Variants in CLASP1 observed in about 807,000 individuals in gnomAD.
The protein encoded by CLASP1 is cytoplasmic linker associated protein 1, also known as CLIP-associating protein 1.
Under a neutral mutation model 192.3 loss-of-function variants are expected in CLASP1, and 38 were observed. The observed-to-expected ratio is 0.20, with a 90% CI of 0.15 to 0.26. CLASP1 has a LOEUF of 0.26. Among genes scored for constraint, CLASP1 ranks in the 10% least tolerant of loss-of-function variants. The pLI, the probability that CLASP1 is intolerant of heterozygous loss-of-function variation, is 1.00. For synonymous variants in CLASP1, 691 were observed against 712.8 expected, an observed-to-expected ratio of 0.97 and a Z score of 0.49; for missense variants, 1,433 against 1,932.5, an observed-to-expected ratio of 0.74 and a Z score of 4.85.
chr2:121,559,093 T>C (rs993092318), intron 2 of CLASP1, among the ~76,000 whole-genome samples: 1 of 152,134 alleles, frequency 6.6e-6, no homozygotes, highest in Non-Finnish European at 1.5e-5. Context: ...AAAGAAGGTG[T>C]GGACCACACC....
chr2:121,435,083 G>A (rs1331584611), intron 19 of CLASP1, among the ~76,000 whole-genome samples: 2 of 152,118 alleles, frequency 1.3e-5, no homozygotes, highest in Non-Finnish European at 2.9e-5. Flanking sequence ...CACTTTGGGA[G>A]GCCTAGGCAG....
Position 121,447,330 on chromosome 2 carries a change from T to C in CLASP1, c.1912+7A>G. On this transcript the variant is annotated splice_region_variant and intron_variant, in intron 19 of 39. Transcript: ENST00000263710. ...CAGGAGGGAAAGGGTGACAGGGGTG[T>C]GGTTACCTAAGGATGCGTATGACCC... The C allele has an allele frequency of 6.3e-7, 1 of 1,587,928 alleles. No individual in the cohort carries two copies. The highest frequency in any genetic ancestry group is 8.6e-7 in the Non-Finnish European group (1 of 1,167,510).
intron 2 of CLASP1, among the ~76,000 whole-genome samples, chr2:121,544,907 C>CTTTTTTTTTTTTT (rs3078562): frequency 4.1e-5 from 5 of 122,880 alleles, no homozygotes; most frequent in South Asian, 2.5e-4. Context: ...CTTTTCTTTT[C>CTTTTTTTTTTTTT]TTTTTTTTTT....
At chr2:121,576,672 A>C (rs1044141296) in intron 2 of CLASP1, among the ~76,000 whole-genome samples, 2 of 152,234 alleles carry the variant, frequency 1.3e-5, no homozygotes, top group Non-Finnish European at 2.9e-5. Flanking sequence ...GAAATGGAAC[A>C]CCAAGTATGT....
intron 15 of CLASP1, 26 bp downstream of exon 15, chr2:121,451,764 A>G (rs1340552824): frequency 6.4e-7 from 1 of 1,556,466 alleles, no homozygotes; most frequent in East Asian, 2.4e-5. Flanking sequence ...TTCAGAGGGA[A>G]AAATGGTTTC....
intron 8 of CLASP1, among the ~76,000 whole-genome samples, chr2:121,471,075 G>C (rs1405903856): frequency 6.6e-6 from 1 of 151,502 alleles, no homozygotes; most frequent in Non-Finnish European, 1.5e-5. Context: ...TTGAGGCCAG[G>C]AGTTCAAGAC....
chr2:121,593,209 G>C (rs532230721), intron 2 of CLASP1, among the ~76,000 whole-genome samples: 7 of 152,266 alleles, frequency 4.6e-5, no homozygotes, highest in South Asian at 2.1e-4. Flanking sequence ...AATCTAACCA[G>C]GAAGAAGCAT....
intron 21 of CLASP1, among the ~76,000 whole-genome samples, chr2:121,426,699 G>A (rs1287012974): frequency 6.6e-6 from 1 of 152,178 alleles, no homozygotes; most frequent in African/African-American, 2.4e-5. Flanking sequence ...CATTCTCTGA[G>A]AAGTATGCAA....
chr2:121,500,002 A>G (rs1323206373), intron 8 of CLASP1, among the ~76,000 whole-genome samples: 1 of 152,172 alleles, frequency 6.6e-6, no homozygotes, highest in Non-Finnish European at 1.5e-5. Flanking sequence ...TAAGGCAAGA[A>G]AAAGAAATTA....
chr2:121,476,289 A>C (rs1442050353), intron 8 of CLASP1, among the ~76,000 whole-genome samples: 1 of 152,102 alleles, frequency 6.6e-6, no homozygotes, highest in African/African-American at 2.4e-5. Flanking sequence ...GTCCCTAAGA[A>C]AGCCCCAGCA....
intron 2 of CLASP1, among the ~76,000 whole-genome samples, chr2:121,595,860 C>A (rs953089460): frequency 2.6e-5 from 4 of 152,188 alleles, no homozygotes; most frequent in African/African-American, 9.7e-5. Flanking sequence ...ACATTTTCGT[C>A]AACTTCCTTT....
intron 22 of CLASP1, among the ~76,000 whole-genome samples, chr2:121,420,136 A>G (rs2079244133): frequency 6.6e-6 from 1 of 151,690 alleles, no homozygotes; most frequent in Non-Finnish European, 1.5e-5. Flanking sequence ...CTCAGGGAAA[A>G]AAAAAAAAGT....
intron 22 of CLASP1, among the ~76,000 whole-genome samples, chr2:121,423,678 G>T (rs1023547552): frequency 2.0e-5 from 3 of 152,098 alleles, no homozygotes; most frequent in African/African-American, 2.4e-5. Flanking sequence ...ATAAAATTCA[G>T]ATATTCCAGC....
At chr2:121,384,071 C>CACACATATATATGTATATAT (rs2072532173) in intron 32 of CLASP1, among the ~76,000 whole-genome samples, 6 of 136,914 alleles carry the variant, frequency 4.4e-5, no homozygotes, top group Admixed American at 3.7e-4. Flanking sequence ...TATATATACA[C>CACACATATATATGTATATAT]ACACACATAT....
chr2:121,363,194 G>C, exon 37 of CLASP1: 3 of 1,613,956 alleles, frequency 1.9e-6, no homozygotes, highest in Non-Finnish European at 2.5e-6. Flanking sequence ...GTCTTTGTGG[G>C]CTTCCAGAGT....
At chr2:121,363,351 C>G in intron 36 of CLASP1, 51 bp from the exon 38 acceptor site, 1 of 1,605,226 alleles carries the variant, frequency 6.2e-7, no homozygotes, top group Non-Finnish European at 8.5e-7. Flanking sequence ...ACAGCACTTT[C>G]ACACACAGCA....
At chr2:121,394,222 A>G (rs1282909169) in intron 30 of CLASP1, among the ~76,000 whole-genome samples, 1 of 152,220 alleles carries the variant, frequency 6.6e-6, no homozygotes, top group Non-Finnish European at 1.5e-5. Flanking sequence ...GCCCTTAATC[A>G]GTTGACTTTG....
chr2:121,623,410 G>A lies in CLASP1; in HGVS notation c.-285-17230C>T, dbSNP rs556485221. Among the ~76,000 whole-genome samples the A allele has an allele frequency of 1.1e-3, 160 of 152,226 alleles. 1 individual carries two copies. The highest frequency in any genetic ancestry group is 3.8e-3 in the African/African-American group (156 of 41,538). On this transcript the variant is annotated intron_variant, in intron 1 of 39. Transcript: ENST00000263710. Reference sequence around the variant, plus strand: ...CTCGGTCACAGTACAGAATTCTTCCGATATGTTGCTATGTTCAGTTTGCAA... The same window carrying A: ...CTCGGTCACAGTACAGAATTCTTCCAATATGTTGCTATGTTCAGTTTGCAA...
At chr2:121,478,567 C>T (rs2091931762) in intron 8 of CLASP1, among the ~76,000 whole-genome samples, 1 of 149,430 alleles carries the variant, frequency 6.7e-6, no homozygotes, top group Non-Finnish European at 1.5e-5. Flanking sequence ...CGCCACTGCA[C>T]TCCAGCCTAG....
Sources: allele counts gnomAD v4.1 joint callset (sites outside exome capture counted in the v4.1 genomes callset), GRCh38; gene constraint gnomAD v4.1.1; transcripts MANE v1.5; gene names NCBI Gene and HGNC (gene_info 2026-07-23, HGNC 2026-07-21).